Variants in CAMTA1 observed in about 807,000 individuals in gnomAD.
CAMTA1 encodes calmodulin binding transcription activator 1.
A neutral mutation model predicts 170.9 loss-of-function variants in CAMTA1; 27 were observed. That is an observed-to-expected ratio of 0.16 (90% confidence interval 0.12 to 0.22). CAMTA1 has a LOEUF of 0.22. CAMTA1 is among the 10% of genes least tolerant of loss of function. The pLI is 1.00. For synonymous variants in CAMTA1, 833 were observed against 891.5 expected (o/e 0.93, Z 1.17); for missense variants, 1,619 against 2,217.2 (o/e 0.73, Z 5.42).
At chr1:7,686,903 G>A (rs1016236979) in intron 11 of CAMTA1, among the ~76,000 whole-genome samples, 5 of 151,994 alleles carry the variant, frequency 3.3e-5, no homozygotes, top group South Asian at 2.1e-4. Flanking sequence ...TTCAACCACC[G>A]GAGGAACAGC....
rs1417986282 is a variant in CAMTA1 at position 7,300,836 on chromosome 1, T to A, written c.438+51210T>A. On this transcript the variant is annotated intron_variant, in intron 5 of 22. Transcript: ENST00000303635. This position sits in a 1 kb window ranked among gnomAD's most constrained non-coding sequence, Gnocchi z 4.1. ...CCAGAGCAACTTTATTTCCATAGTC[T>A]GTGTTGCACTCAAAGTAAATATTAA... Among the ~76,000 whole-genome samples, 4 of 152,248 alleles carry A rather than the reference T, an allele frequency of 2.6e-5. No homozygotes were observed.
At chr1:7,447,301 G>A (rs2092703904) in intron 5 of CAMTA1, among the ~76,000 whole-genome samples, 1 of 152,044 alleles carries the variant, frequency 6.6e-6, no homozygotes. Flanking sequence ...AGGGCACTTG[G>A]TAAACACGTG....
chr1:6,864,491 C>T (rs1242944545), intron 3 of CAMTA1, among the ~76,000 whole-genome samples: 1 of 152,204 alleles, frequency 6.6e-6, no homozygotes, highest in Non-Finnish European at 1.5e-5. Context: ...TACCACCCCA[C>T]CTTCTAGACA....
intron 5 of CAMTA1, among the ~76,000 whole-genome samples, chr1:7,250,160 A>G (rs961808319): frequency 1.3e-5 from 2 of 152,182 alleles, no homozygotes; most frequent in Non-Finnish European, 2.9e-5. Context: ...CTGCAGAAAC[A>G]TCTTGGGATC....
Position 7,561,491 on chromosome 1 carries a change from C to T in CAMTA1, c.511-78909C>T, listed in dbSNP as rs1006423800. On this transcript the variant is annotated intron_variant, in intron 6 of 22. Coordinates refer to ENST00000303635, the MANE Select transcript of CAMTA1 (RefSeq NM_015215.4). This position sits in a 1 kb window ranked among gnomAD's most constrained non-coding sequence, Gnocchi z 5.3. ...ACCCCAGCGGCACCAGCACACTCCT[C>T]ATCCTCTAGGATGAGCCCAAGCAGA... 6.6e-6 allele frequency among the ~76,000 whole-genome samples: 1 copy of T among 151,862 alleles called. No homozygotes were observed. Among genetic ancestry groups the T allele is most frequent in the African/African-American group, 2.4e-5 (1 of 41,368 alleles).
At chr1:7,688,496 T>G (rs1252693003) in intron 11 of CAMTA1, among the ~76,000 whole-genome samples, 1 of 152,010 alleles carries the variant, frequency 6.6e-6, no homozygotes, top group Non-Finnish European at 1.5e-5. Context: ...TCCATCTCCC[T>G]GGAAACCAAG....
At chr1:7,186,916 C>T (rs1653419608) in intron 4 of CAMTA1, among the ~76,000 whole-genome samples, 1 of 152,042 alleles carries the variant, frequency 6.6e-6, no homozygotes, top group Non-Finnish European at 1.5e-5. Flanking sequence ...GCGTGAAAAT[C>T]AGTCTCCCTA....
intron 4 of CAMTA1, among the ~76,000 whole-genome samples, chr1:7,103,606 CA>C (rs1643088333): frequency 8.8e-6 from 1 of 113,804 alleles, no homozygotes; most frequent in Non-Finnish European, 1.7e-5. Flanking sequence ...CACATGTACA[CA>C]ACTACACACA....
At chr1:7,301,030 A>C (rs55839439) in intron 5 of CAMTA1, among the ~76,000 whole-genome samples, 12,471 of 152,214 alleles carry the variant, frequency 0.082, 674 homozygotes, top group East Asian at 0.13. Flanking sequence ...TGCACTTTCT[A>C]AATATGAGTC....
At chr1:7,301,901 G>A (rs907096426) in intron 5 of CAMTA1, among the ~76,000 whole-genome samples, 3 of 152,124 alleles carry the variant, frequency 2.0e-5, no homozygotes, top group African/African-American at 7.2e-5. Flanking sequence ...AGGCTTTCTC[G>A]GGCCCCTGGG....
At chr1:7,126,179 C>T (rs957333857) in intron 4 of CAMTA1, among the ~76,000 whole-genome samples, 3 of 152,140 alleles carry the variant, frequency 2.0e-5, no homozygotes, top group Non-Finnish European at 4.4e-5. Context: ...CTGGGTCCCT[C>T]CCACAACACT....
At chr1:7,432,440 G>A (rs1557703887) in intron 5 of CAMTA1, among the ~76,000 whole-genome samples, 1 of 152,230 alleles carries the variant, frequency 6.6e-6, no homozygotes, top group Non-Finnish European at 1.5e-5. Context: ...GGAATGGGAG[G>A]AGCATGTTCC....
chr1:6,920,332 C>T (rs565807656), intron 3 of CAMTA1, among the ~76,000 whole-genome samples: 48 of 152,340 alleles, frequency 3.2e-4, no homozygotes, highest in Admixed American at 8.5e-4. Context: ...GTCTGGGTCA[C>T]GATGGTGCAA....
At chr1:7,546,414 T>G (rs1406533467) in intron 6 of CAMTA1, among the ~76,000 whole-genome samples, 1 of 152,218 alleles carries the variant, frequency 6.6e-6, no homozygotes, top group Admixed American at 6.5e-5. Flanking sequence ...TGATGGGCAT[T>G]TGGGTTAATT....
intron 3 of CAMTA1, among the ~76,000 whole-genome samples, chr1:6,862,428 G>T (rs1361835990): frequency 1.3e-5 from 2 of 152,160 alleles, no homozygotes; most frequent in Non-Finnish European, 2.9e-5. Flanking sequence ...CCATCCATGG[G>T]TGCATGGGTT....
At chr1:7,477,891 TCAGGAAAGTCTTC>T (rs1274758108) in intron 6 of CAMTA1, among the ~76,000 whole-genome samples, 1 of 152,190 alleles carries the variant, frequency 6.6e-6, no homozygotes, top group African/African-American at 2.4e-5. Flanking sequence ...CCTCGGGGCA[TCAGGAAAGTCTTC>T]CTCCTGGCCA....
At chr1:6,888,231 T>G (rs530988651) in intron 3 of CAMTA1, 1 of 986,130 alleles carries the variant, frequency 1.0e-6, no homozygotes, top group African/African-American at 1.7e-5. Flanking sequence ...GCATCCTTTC[T>G]GAATGTTTTT....
chr1:7,758,003 T>A (rs2096943428), intron 22 of CAMTA1, among the ~76,000 whole-genome samples: 1 of 152,102 alleles, frequency 6.6e-6, no homozygotes, highest in African/African-American at 2.4e-5. Flanking sequence ...AAATCTCCAT[T>A]TCTCCCTCTA....
chr1:7,743,186 T>C (rs1025647995), intron 16 of CAMTA1, among the ~76,000 whole-genome samples: 6 of 151,874 alleles, frequency 4.0e-5, no homozygotes, highest in African/African-American at 1.5e-4. Context: ...TTATTTTTAT[T>C]GTTATTACAA....
Sources: gnomAD v4.1 joint callset for allele counts (sites outside exome capture counted in the v4.1 genomes callset) on GRCh38, gnomAD v4.1.1 for gene constraint, Gnocchi (gnomAD v3.1) non-coding constraint, MANE v1.5 for transcripts, NCBI Gene and HGNC (gene_info 2026-07-23, HGNC 2026-07-21) for gene names.